Variants in MAGI2 observed in about 807,000 individuals in gnomAD.
The protein encoded by MAGI2 is membrane-associated guanylate kinase, WW and PDZ domain-containing protein 2.
Under a neutral mutation model 133.3 loss-of-function variants are expected in MAGI2, and 35 were observed. The ratio of observed to expected loss-of-function variants is 0.26; its 90% CI spans 0.20 to 0.35. The LOEUF is 0.35. Ranked by LOEUF, MAGI2 falls within the 10% of genes least tolerant of loss-of-function variation. MAGI2 has a pLI of 1.00. For synonymous variants in MAGI2, 729 were observed against 710.6 expected (o/e 1.03, Z -0.41); for missense variants, 1,636 against 1,863.4 (o/e 0.88, Z 2.25).
chr7:79,316,351 T>A (rs1436810661), intron 1 of MAGI2, among the ~76,000 whole-genome samples: 2 of 152,186 alleles, frequency 1.3e-5, no homozygotes, highest in Non-Finnish European at 2.9e-5. Flanking sequence ...ACAACACCAG[T>A]ATTAATATTT....
chr7:79,398,704 T>C (rs10953852), intron 1 of MAGI2, among the ~76,000 whole-genome samples: 36,943 of 152,122 alleles, frequency 0.24, 5,854 homozygotes, highest in African/African-American at 0.43. Context: ...TCCCTTTAAA[T>C]GATTGTGAAA....
intron 1 of MAGI2, among the ~76,000 whole-genome samples, chr7:79,063,033 C>A (rs1813923303): frequency 6.6e-6 from 1 of 152,094 alleles, no homozygotes; most frequent in Admixed American, 6.6e-5. Context: ...AAGGTCCATG[C>A]TGGATGATTC....
At chr7:79,029,793 T>C (rs1810385242) in intron 1 of MAGI2, among the ~76,000 whole-genome samples, 1 of 152,162 alleles carries the variant, frequency 6.6e-6, no homozygotes, top group Admixed American at 6.5e-5. Context: ...GGTGTTCTAA[T>C]TTACCAATAA....
chr7:78,730,744 G>T (rs1233224818), intron 2 of MAGI2, among the ~76,000 whole-genome samples: 1 of 152,058 alleles, frequency 6.6e-6, no homozygotes, highest in East Asian at 1.9e-4. Flanking sequence ...TCTCCGCTGG[G>T]AAACACAGAC....
intron 2 of MAGI2, among the ~76,000 whole-genome samples, chr7:78,825,993 GAAT>G (rs1329994650): frequency 6.6e-6 from 1 of 152,094 alleles, no homozygotes; most frequent in African/African-American, 2.4e-5. Context: ...CCATACAATA[GAAT>G]ATTATTCAGT....
chr7:79,296,471 G>GGT (rs1836937822), intron 1 of MAGI2, among the ~76,000 whole-genome samples: 3 of 151,926 alleles, frequency 2.0e-5, no homozygotes, highest in Non-Finnish European at 4.4e-5. Context: ...GAGAAAATGT[G>GGT]GTATATATAC....
At chr7:79,229,806 T>A (rs1301187636) in intron 1 of MAGI2, among the ~76,000 whole-genome samples, 1 of 152,090 alleles carries the variant, frequency 6.6e-6, no homozygotes. Flanking sequence ...TTTTTTTTAT[T>A]ATTATACTTT....
chr7:79,370,499 AC>A (rs779226006), intron 1 of MAGI2, among the ~76,000 whole-genome samples: 7 of 152,148 alleles, frequency 4.6e-5, no homozygotes, highest in Non-Finnish European at 8.8e-5. Flanking sequence ...CAATAGGGCT[AC>A]AATGTTTCCA....
chr7:78,515,969 G>T (rs147196550), intron 4 of MAGI2, among the ~76,000 whole-genome samples: 51 of 152,220 alleles, frequency 3.4e-4, no homozygotes, highest in Admixed American at 1.8e-3. Context: ...TGCACATTAT[G>T]AAAAGTTACC....
intron 4 of MAGI2, among the ~76,000 whole-genome samples, chr7:78,507,412 AG>A (rs1795183956): frequency 6.6e-6 from 1 of 152,120 alleles, no homozygotes; most frequent in Non-Finnish European, 1.5e-5. Context: ...TAGAATATTT[AG>A]GGGAAGAAAA....
At chr7:78,457,365 A>G (rs772240594) in intron 6 of MAGI2, among the ~76,000 whole-genome samples, 34 of 152,188 alleles carry the variant, frequency 2.2e-4, no homozygotes, top group Non-Finnish European at 4.4e-4. Context: ...AAGAAGTCAG[A>G]TTCTCCTAGG....
chr7:78,872,715 C>T (rs1795130545), intron 2 of MAGI2, among the ~76,000 whole-genome samples: 1 of 151,762 alleles, frequency 6.6e-6, no homozygotes, highest in African/African-American at 2.4e-5. Flanking sequence ...AGACATCTAC[C>T]TACTTTCTAC....
intron 2 of MAGI2, among the ~76,000 whole-genome samples, chr7:78,834,328 C>A (rs1791433885): frequency 6.6e-6 from 1 of 152,094 alleles, no homozygotes; most frequent in South Asian, 2.1e-4. Context: ...CAAAAAGAAA[C>A]CCCACATTTC....
At chr7:78,467,029 A>T (rs915339571) in intron 6 of MAGI2, among the ~76,000 whole-genome samples, 38 of 152,170 alleles carry the variant, frequency 2.5e-4, no homozygotes, top group African/African-American at 9.2e-4. Context: ...CACTATAAGT[A>T]TTCAATTTAC....
At chr7:79,210,540 C>T (rs1484661944) in intron 1 of MAGI2, among the ~76,000 whole-genome samples, 1 of 151,952 alleles carries the variant, frequency 6.6e-6, no homozygotes, top group Admixed American at 6.6e-5. Context: ...AGTTGAATAA[C>T]ATCTTAACTT....
At chr7:78,944,426 G>A (rs755328901) in intron 2 of MAGI2, among the ~76,000 whole-genome samples, 15 of 151,988 alleles carry the variant, frequency 9.9e-5, no homozygotes, top group Non-Finnish European at 1.9e-4. Flanking sequence ...GGCTTCACTG[G>A]GTCTCCTCTG....
chr7:78,283,995 A>T (rs922305098), intron 9 of MAGI2, among the ~76,000 whole-genome samples: 1 of 152,162 alleles, frequency 6.6e-6, no homozygotes, highest in Non-Finnish European at 1.5e-5. Flanking sequence ...AAGGATAAGC[A>T]GGTGTTTAAC....
chr7:78,662,298 T>C (rs1484941198), intron 2 of MAGI2, among the ~76,000 whole-genome samples: 2 of 152,198 alleles, frequency 1.3e-5, no homozygotes, highest in Admixed American at 6.5e-5. Context: ...CTTTCCATTA[T>C]CTTTTTCCTT....
chr7:78,627,098 T>C, intron 3 of MAGI2, 22 bp downstream of exon 3: 1 of 1,551,748 alleles, frequency 6.4e-7, no homozygotes, highest in East Asian at 2.4e-5. Flanking sequence ...CAAGAAAGAT[T>C]TCTCAGGAAC....
Sources: allele counts gnomAD v4.1 joint callset (sites outside exome capture counted in the v4.1 genomes callset), GRCh38; gene constraint gnomAD v4.1.1; transcripts MANE v1.5; gene names NCBI Gene and HGNC (gene_info 2026-07-23, HGNC 2026-07-21).